CWF19L2: variants seen among roughly 807,000 people sequenced by gnomAD.
The protein encoded by CWF19L2 is CWF19-like protein 2.
In CWF19L2, 98 loss-of-function variants were observed where a neutral mutation model predicts 111.7. That is an observed-to-expected ratio of 0.88 (90% CI 0.75 to 1.04). The LOEUF (loss-of-function observed/expected upper bound fraction) is 1.04, where lower values mean the gene tolerates loss of function less well. Among genes scored for constraint, CWF19L2 ranks in the 50% least tolerant of loss-of-function variants. CWF19L2 has a pLI of 0.00. For synonymous variants in CWF19L2, 351 were observed against 342.9 expected (o/e 1.02, Z -0.26); for missense variants, 1,101 against 1,051.4 (o/e 1.05, Z -0.65).
At chr11:107,431,949 G>GA (rs1218327664) in intron 7 of CWF19L2, among the ~76,000 whole-genome samples, 2 of 151,986 alleles carry the variant, frequency 1.3e-5, no homozygotes, top group Admixed American at 1.3e-4. Flanking sequence ...ATATATTCCA[G>GA]AAAAATTAAA....
intron 6 of CWF19L2, among the ~76,000 whole-genome samples, chr11:107,437,363 A>G (rs1174852554): frequency 5.9e-5 from 9 of 152,202 alleles, no homozygotes; most frequent in Non-Finnish European, 1.3e-4. Context: ...GACTGACTCC[A>G]AAGTCTAGTC....
At chr11:107,359,587 A>G (rs536383485) in intron 12 of CWF19L2, among the ~76,000 whole-genome samples, 37 of 152,088 alleles carry the variant, frequency 2.4e-4, no homozygotes, top group Non-Finnish European at 2.8e-4. Flanking sequence ...GTGACTTTAG[A>G]CTCTACCGGT....
intron 14 of CWF19L2, among the ~76,000 whole-genome samples, chr11:107,342,831 T>C (rs1223408458): frequency 6.6e-6 from 1 of 152,136 alleles, no homozygotes; most frequent in African/African-American, 2.4e-5. Context: ...AAAAGTTTCC[T>C]TATAAGAGGG....
At chr11:107,374,288 C>T (rs1207522591) in intron 12 of CWF19L2, among the ~76,000 whole-genome samples, 2 of 128,692 alleles carry the variant, frequency 1.6e-5, no homozygotes, top group Admixed American at 7.6e-5. Context: ...ACATACTCCT[C>T]GAGAAGAGCA....
intron 12 of CWF19L2, among the ~76,000 whole-genome samples, chr11:107,388,978 T>C (rs1230587052): frequency 3.3e-5 from 5 of 152,170 alleles, no homozygotes; most frequent in Non-Finnish European, 1.5e-5. Context: ...CCATTTAAAC[T>C]CTATTTTACT....
intron 16 of CWF19L2, among the ~76,000 whole-genome samples, chr11:107,333,390 G>A (rs1311930916): frequency 6.6e-6 from 1 of 152,148 alleles, no homozygotes; most frequent in Non-Finnish European, 1.5e-5. Flanking sequence ...GTAAGAAAAT[G>A]TATACACAGT....
intron 16 of CWF19L2, among the ~76,000 whole-genome samples, chr11:107,331,049 C>T (rs1373660916): frequency 6.6e-6 from 1 of 152,070 alleles, no homozygotes; most frequent in Non-Finnish European, 1.5e-5. Flanking sequence ...TTAAAAAGCA[C>T]ACGTAAAAAT....
chr11:107,451,973 T>C (rs1861784414), intron 3 of CWF19L2, among the ~76,000 whole-genome samples: 1 of 152,186 alleles, frequency 6.6e-6, no homozygotes, highest in Non-Finnish European at 1.5e-5. Flanking sequence ...GCAGACATCA[T>C]GCTTAAATGT....
intron 12 of CWF19L2, among the ~76,000 whole-genome samples, chr11:107,383,485 G>A (rs1281434099): frequency 6.6e-6 from 1 of 152,024 alleles, no homozygotes; most frequent in Non-Finnish European, 1.5e-5. Context: ...ATCTTTTTCA[G>A]GGTATTTTGT....
intron 12 of CWF19L2, among the ~76,000 whole-genome samples, chr11:107,378,258 C>A (rs1860624960): frequency 1.3e-5 from 2 of 149,566 alleles, no homozygotes; most frequent in Admixed American, 1.3e-4. Context: ...CCAGCCATCC[C>A]ATTACTGGGT....
At chr11:107,398,359 T>G (rs987227676) in intron 10 of CWF19L2, among the ~76,000 whole-genome samples, 1 of 152,094 alleles carries the variant, frequency 6.6e-6, no homozygotes, top group African/African-American at 2.4e-5. Context: ...TCAGGAAACT[T>G]TGGACACACT....
At chr11:107,361,373 T>C (rs996461819) in intron 12 of CWF19L2, among the ~76,000 whole-genome samples, 1 of 152,232 alleles carries the variant, frequency 6.6e-6, no homozygotes, top group Admixed American at 6.5e-5. Flanking sequence ...TCAGTATAAT[T>C]TGAAGTCAGG....
intron 10 of CWF19L2, among the ~76,000 whole-genome samples, chr11:107,399,078 T>C (rs1292659669): frequency 6.6e-6 from 1 of 152,108 alleles, no homozygotes; most frequent in African/African-American, 2.4e-5. Context: ...GAAACAAATC[T>C]TTTACACCAA....
intron 8 of CWF19L2, among the ~76,000 whole-genome samples, chr11:107,418,653 G>C (rs75147935): frequency 6.6e-6 from 1 of 152,016 alleles, no homozygotes; most frequent in South Asian, 2.1e-4. Context: ...CTTCTCATTC[G>C]ACATAAGTTG....
intron 10 of CWF19L2, among the ~76,000 whole-genome samples, chr11:107,394,579 C>T (rs1860895556): frequency 6.6e-6 from 1 of 152,204 alleles, no homozygotes; most frequent in South Asian, 2.1e-4. Flanking sequence ...CTCTCTGACA[C>T]ATTCATTCAT....
intron 7 of CWF19L2, among the ~76,000 whole-genome samples, chr11:107,429,800 T>A (rs1861438073): frequency 3.1e-5 from 3 of 95,784 alleles, no homozygotes; most frequent in African/African-American, 7.9e-5. Context: ...TAAAACAGAT[T>A]CTCACCAAAA....
At chr11:107,455,388 C>A (rs1029238592) in intron 2 of CWF19L2, among the ~76,000 whole-genome samples, 1 of 152,006 alleles carries the variant, frequency 6.6e-6, no homozygotes, top group Non-Finnish European at 1.5e-5. Context: ...GCTTAAAATG[C>A]ATAAATTTTT....
intron 10 of CWF19L2, among the ~76,000 whole-genome samples, chr11:107,397,692 C>T (rs1173453481): frequency 2.0e-5 from 3 of 152,184 alleles, no homozygotes; most frequent in African/African-American, 7.2e-5. Flanking sequence ...AAAGTGCCAC[C>T]TCCTGGCAGG....
intron 12 of CWF19L2, among the ~76,000 whole-genome samples, chr11:107,379,550 G>C (rs1404031496): frequency 1.3e-5 from 2 of 152,192 alleles, no homozygotes; most frequent in East Asian, 3.9e-4. Flanking sequence ...CATGAGTTAG[G>C]GAGTTAAACT....
Sources: allele counts gnomAD v4.1 joint callset (sites outside exome capture counted in the v4.1 genomes callset), GRCh38; gene constraint gnomAD v4.1.1; transcripts MANE v1.5; gene names NCBI Gene and HGNC (gene_info 2026-07-23, HGNC 2026-07-21).